The following POLE2 variants were observed in gnomAD, a reference collection of about 807,000 sequenced individuals.
POLE2 encodes the protein DNA polymerase epsilon 2, accessory subunit, also known as DNA polymerase epsilon subunit 2.
A neutral mutation model predicts 79.4 loss-of-function variants in POLE2; 56 were observed. The observed-to-expected ratio is 0.71, with a 90% CI of 0.57 to 0.88. The LOEUF is 0.88. Ranked by LOEUF, POLE2 falls within the 40% of genes least tolerant of loss-of-function variation. The pLI is 0.00. For missense variants in POLE2, 598 were observed against 638.9 expected (o/e 0.94, Z 0.69); for synonymous variants, 212 against 214.0 (o/e 0.99, Z 0.08).
intron 1 of POLE2, among the ~76,000 whole-genome samples, chr14:49,686,656 G>A (rs1291088515): frequency 6.6e-6 from 1 of 152,132 alleles, no homozygotes; most frequent in Non-Finnish European, 1.5e-5. Flanking sequence ...CCCCTACAAA[G>A]CTCTTGCTCT....
chr14:49,671,494 A>G (rs770257197), intron 5 of POLE2, among the ~76,000 whole-genome samples: 25 of 151,788 alleles, frequency 1.6e-4, no homozygotes, highest in South Asian at 2.1e-4. Context: ...GCACATGCCT[A>G]TAGTCCCAGC....
In POLE2 at chr14:49,679,682, A is replaced by G. The variant is rs753525450; in HGVS notation, c.245+43T>C. ...GACAATAATTAAAAATAAGTGCTCA[A>G]TAACACCTCCAAGGAGGAAAAAAGT... On this transcript the variant is annotated intron_variant, in intron 3 of 18. Transcript: ENST00000216367. The G allele has an allele frequency of 1.3e-5, 13 of 981,238 alleles. No individual in the cohort carries two copies. In the East Asian group the frequency reaches 1.9e-4, roughly 14 times the overall value. 60.8% of individuals were successfully genotyped at this position (981,238 alleles called of 1,614,324 possible).
intron 3 of POLE2, among the ~76,000 whole-genome samples, chr14:49,676,442 A>G (rs1017667371): frequency 1.3e-5 from 2 of 152,204 alleles, no homozygotes; most frequent in Non-Finnish European, 2.9e-5. Context: ...CAGTCTGAGT[A>G]AGTTATTGAA....
At position 49,650,533 on chromosome 14, in the gene POLE2, A is replaced by C. The variant is rs575711147; in HGVS notation, c.1321-92T>G. On this transcript the variant is annotated intron_variant, in intron 16 of 18. Coordinates refer to ENST00000216367, the MANE Select transcript of POLE2 (RefSeq NM_002692.4). ...AATTTCAAATTAAATATTAATTACC[A>C]AAAGGAACCAGAAAATTTGAGAAAC... The C allele has an allele frequency of 3.7e-6, 3 of 809,844 alleles. No homozygotes were observed. In the East Asian group the frequency reaches 9.8e-5, roughly 26 times the overall value. 50.2% of individuals were successfully genotyped at this position (809,844 alleles called of 1,614,324 possible). A position where few individuals can be genotyped will look rare whatever the true frequency, so the allele number is the denominator to read the frequency against.
intron 2 of POLE2, among the ~76,000 whole-genome samples, chr14:49,682,729 T>C (rs1319591292): frequency 6.6e-6 from 1 of 151,436 alleles, no homozygotes; most frequent in Non-Finnish European, 1.5e-5. Context: ...GTATTCATTA[T>C]CAGTGCATTA....
intron 15 of POLE2, among the ~76,000 whole-genome samples, chr14:49,652,050 A>G (rs1054988509): frequency 3.9e-5 from 6 of 152,066 alleles, no homozygotes; most frequent in Non-Finnish European, 5.9e-5. Context: ...GCTGTCACTA[A>G]ATCACGAGGG....
intron 10 of POLE2, among the ~76,000 whole-genome samples, chr14:49,658,871 ATTATT>A (rs968383454): frequency 2.9e-4 from 44 of 152,306 alleles, no homozygotes; most frequent in African/African-American, 1.0e-3. Flanking sequence ...ACTTTTAATC[ATTATT>A]TTAGAGTGTA....
chr14:49,672,253 T>C (rs569203650), intron 5 of POLE2, among the ~76,000 whole-genome samples: 1 of 152,202 alleles, frequency 6.6e-6, no homozygotes, highest in African/African-American at 2.4e-5. Context: ...TTTAATTCAA[T>C]AGGCAGTGAA....
At chr14:49,659,470 A>C (rs1270812925) in intron 10 of POLE2, among the ~76,000 whole-genome samples, 2 of 152,214 alleles carry the variant, frequency 1.3e-5, no homozygotes, top group African/African-American at 2.4e-5. Flanking sequence ...ATTTTTGTGC[A>C]GCTGTAGAAT....
At chr14:49,679,567 A>T (rs1043123542) in intron 3 of POLE2, 158 bp downstream of exon 3, 1 of 537,872 alleles carries the variant, frequency 1.9e-6, no homozygotes, top group Non-Finnish European at 3.4e-6. Context: ...TTTAATAATG[A>T]GGTTTGCAAA....
At chr14:49,674,723 C>T (rs556840326) in intron 3 of POLE2, among the ~76,000 whole-genome samples, 7 of 152,174 alleles carry the variant, frequency 4.6e-5, no homozygotes, top group South Asian at 4.1e-4. Flanking sequence ...TGCACCACCA[C>T]GTCCAGTTAA....
At chr14:49,680,443 T>C (rs1274919792) in intron 2 of POLE2, among the ~76,000 whole-genome samples, 4 of 152,174 alleles carry the variant, frequency 2.6e-5, no homozygotes, top group Admixed American at 1.3e-4. Flanking sequence ...TCAATGAGCA[T>C]GATAGTAACA....
intron 1 of POLE2, 147 bp from the exon 2 acceptor site, chr14:49,683,840 T>C: frequency 1.8e-6 from 1 of 546,086 alleles, no homozygotes; most frequent in Non-Finnish European, 3.2e-6. Context: ...ATCTTTCCTG[T>C]GCTTTCTGAA....
chr14:49,678,373 G>C (rs1232104866), intron 3 of POLE2, among the ~76,000 whole-genome samples: 1 of 152,008 alleles, frequency 6.6e-6, no homozygotes, highest in African/African-American at 2.4e-5. Context: ...GGTGGAATAG[G>C]GGTTGGGAAA....
chr14:49,684,389 C>T (rs921347947), intron 1 of POLE2, among the ~76,000 whole-genome samples: 4 of 150,872 alleles, frequency 2.7e-5, no homozygotes, highest in East Asian at 2.0e-4. Flanking sequence ...GGCGTGAACC[C>T]GGGAGGCAGA....
rs1476086617 is a variant in POLE2 at position 49,651,310 on chromosome 14, A to G, written c.1279T>C (p.Cys427Arg). ...AAATTGCTGCTAGGAAAACGGACGC[A>G]GTTTCTGCACATTTTATTTACTAAG... The part of the protein sequence containing the change: ...EDLVNKMCRN[C>R]VRFPSSNLAI... Residue 427 changes from cysteine to arginine, a missense_variant, in exon 16 of 19, where the codon TGC becomes CGC. Coordinates refer to ENST00000216367, the MANE Select transcript of POLE2 (RefSeq NM_002692.4). 2 of 1,605,428 alleles carry G rather than the reference A, an allele frequency of 1.2e-6. No individual in the cohort carries two copies. Among genetic ancestry groups the G allele is most frequent in the South Asian group, 1.1e-5 (1 of 90,654 alleles).
chr14:49,682,640 G>GA (rs35984833), intron 2 of POLE2, among the ~76,000 whole-genome samples: 775 of 60,928 alleles, frequency 0.013, 24 homozygotes, highest in Non-Finnish European at 0.017. Flanking sequence ...CCTTCTCAGG[G>GA]AAAAAAAAAA....
intron 3 of POLE2, among the ~76,000 whole-genome samples, chr14:49,679,064 CTGACTAAAATAAAGATAA>C (rs1410323025): frequency 6.6e-6 from 1 of 152,000 alleles, no homozygotes; most frequent in Admixed American, 6.6e-5. Flanking sequence ...ATTATAACTT[CTGACTAAAATAAAGATAA>C]TGACTCCTTT....
chr14:49,664,599 G>A, intron 9 of POLE2, 27 bp downstream of exon 9: 1 of 1,397,948 alleles, frequency 7.2e-7, no homozygotes, highest in South Asian at 1.2e-5. Flanking sequence ...ATGAGAAGAA[G>A]GACAGTAACA....
Sources: gnomAD v4.1 joint callset for allele counts (sites outside exome capture counted in the v4.1 genomes callset) on GRCh38, gnomAD v4.1.1 for gene constraint, MANE v1.5 for transcripts, NCBI Gene and HGNC (gene_info 2026-07-23, HGNC 2026-07-21) for gene names.